NLRP9: variants seen among roughly 807,000 people sequenced by gnomAD.
NLRP9 encodes NLR family pyrin domain containing 9, also known as NACHT, LRR and PYD domains-containing protein 9.
NLRP9 carries 88 observed loss-of-function variants against 83.1 expected under a neutral mutation model. The observed-to-expected ratio is 1.06, with a 90% confidence interval of 0.89 to 1.26. NLRP9 has a LOEUF of 1.26. Among genes scored for constraint, NLRP9 ranks in the 50% most tolerant of loss-of-function variants. NLRP9 has a pLI of 0.00. For synonymous variants in NLRP9, 521 were observed against 447.6 expected, an observed-to-expected ratio of 1.16 and a Z score of -2.07; for missense variants, 1,308 against 1,179.3, an observed-to-expected ratio of 1.11 and a Z score of -1.60.
intron 2 of NLRP9, among the ~76,000 whole-genome samples, chr19:55,730,636 C>G (rs1467942046): frequency 1.3e-5 from 2 of 151,806 alleles, no homozygotes; most frequent in Non-Finnish European, 2.9e-5. Flanking sequence ...AGGCCATTAT[C>G]CTTAGCAAAC....
intron 8 of NLRP9, among the ~76,000 whole-genome samples, chr19:55,710,993 T>G (rs1260580773): frequency 7.3e-5 from 11 of 151,378 alleles, no homozygotes; most frequent in African/African-American, 2.7e-4. Context: ...GGCTGAGGCA[T>G]GAGAATTCCT....
At chr19:55,728,591 A>T (rs1988469838) in intron 3 of NLRP9, among the ~76,000 whole-genome samples, 2 of 152,134 alleles carry the variant, frequency 1.3e-5, no homozygotes, top group African/African-American at 4.8e-5. Flanking sequence ...AACAACAACA[A>T]AACAAAAACA....
At chr19:55,722,179 ATAGT>A (rs758572066) in intron 4 of NLRP9, among the ~76,000 whole-genome samples, 5 of 152,008 alleles carry the variant, frequency 3.3e-5, no homozygotes, top group African/African-American at 9.7e-5. Flanking sequence ...AAGTAAATGA[ATAGT>A]TAGTTTACCC....
In NLRP9 at chr19:55,713,312, AGATAGAGGACAGAG is replaced by A. The variant is rs368860759; in HGVS notation, c.2502-736_2502-723del. ...TAATACAGATAGACAGAAAAATGGT[AGATAGAGGACAGAG>A]GATAGGGGACAGATGAATAGTTAAT... On this transcript the variant is annotated intron_variant, in intron 6 of 8. Coordinates refer to ENST00000332836, the MANE Select transcript of NLRP9 (RefSeq NM_176820.4). Among the ~76,000 whole-genome samples, 28 of 151,908 alleles carry A rather than the reference AGATAGAGGACAGAG, an allele frequency of 1.8e-4. 1 individual carries two copies. The highest frequency in any genetic ancestry group is 5.3e-4 in the African/African-American group (22 of 41,462).
chr19:55,723,727 CAAAA>C (rs10711721), intron 4 of NLRP9, among the ~76,000 whole-genome samples: 13,677 of 79,588 alleles, frequency 0.17, 674 homozygotes, highest in African/African-American at 0.27. Flanking sequence ...GACCCTGTCT[CAAAA>C]AAAAAAAAAA....
At chr19:55,733,993 G>C (rs1371102964) in intron 1 of NLRP9, among the ~76,000 whole-genome samples, 2 of 147,894 alleles carry the variant, frequency 1.4e-5, no homozygotes, top group East Asian at 2.0e-4. Context: ...CGGGATCTCG[G>C]CTCACTGCAA....
Position 55,728,352 on chromosome 19 carries a change from G to A in NLRP9, c.1994+1479C>T, listed in dbSNP as rs866261687. Among the ~76,000 whole-genome samples, 6 of 152,156 alleles carry A rather than the reference G, an allele frequency of 3.9e-5. No homozygotes were observed. The East Asian group carries it at 5.8e-4, about 15-fold the overall frequency. ...AGCACTTTGGGAGGCCGAGGCGGGCGCATCACAAGGCCAGGAGTTTGAGAC... is the reference window on the plus strand; with the variant it reads ...AGCACTTTGGGAGGCCGAGGCGGGCACATCACAAGGCCAGGAGTTTGAGAC... On this transcript the variant is annotated intron_variant, in intron 3 of 8. Transcript: ENST00000332836.
intron 4 of NLRP9, among the ~76,000 whole-genome samples, chr19:55,718,674 T>C (rs553586886): frequency 2.4e-4 from 37 of 152,344 alleles, no homozygotes; most frequent in South Asian, 6.2e-4. Flanking sequence ...CCCAGCCACA[T>C]TCCCCTCGCC....
intron 4 of NLRP9, among the ~76,000 whole-genome samples, chr19:55,718,329 G>A (rs1988098590): frequency 6.6e-6 from 1 of 152,188 alleles, no homozygotes; most frequent in Non-Finnish European, 1.5e-5. Context: ...TCTGTGCTGA[G>A]GAGGAGGAGT....
At chr19:55,735,539 A>G (rs1313337569) in intron 1 of NLRP9, among the ~76,000 whole-genome samples, 1 of 152,148 alleles carries the variant, frequency 6.6e-6, no homozygotes, top group Non-Finnish European at 1.5e-5. Context: ...GTATTACTCT[A>G]CATTTTTCTT....
chr19:55,716,587 G>A, intron 5 of NLRP9, 141 bp downstream of exon 5: 1 of 660,384 alleles, frequency 1.5e-6, no homozygotes, highest in Non-Finnish European at 2.7e-6. Flanking sequence ...AGCAACTGAG[G>A]CGTGGGAAAG....
Position 55,717,029 on chromosome 19 carries a change from TTTTC to T in NLRP9, c.2160-135_2160-132del, listed in dbSNP as rs965895900. 7 of 600,982 alleles carry T rather than the reference TTTTC, an allele frequency of 1.2e-5. No homozygotes were observed. The African/African-American group carries it at 1.2e-4, about 11-fold the overall frequency. 37.2% of individuals were successfully genotyped at this position (600,982 alleles called of 1,614,324 possible). ...ATCCATTATCTACACTACAGACTCT[TTTTC>T]TTTTTTTTTTTTTTTTTTGAGAAGG... On this transcript the variant is annotated intron_variant, in intron 4 of 8. Coordinates refer to ENST00000332836, the MANE Select transcript of NLRP9 (RefSeq NM_176820.4).
At chr19:55,731,916 A>T in intron 2 of NLRP9, 83 bp downstream of exon 2, 1 of 846,110 alleles carries the variant, frequency 1.2e-6, no homozygotes, top group Non-Finnish European at 1.9e-6. Flanking sequence ...GCACAGTGGC[A>T]TAAGGCCCAT....
At position 55,711,787 on chromosome 19, in the gene NLRP9, A is replaced by T. The variant is rs970181276; in HGVS notation, c.2843+13T>A. 10 of 1,611,224 alleles carry T rather than the reference A, an allele frequency of 6.2e-6. No individual in the cohort carries two copies. Among genetic ancestry groups the T allele is most frequent in the Non-Finnish European group, 8.5e-6 (10 of 1,178,574 alleles). On this transcript the variant is annotated intron_variant, in intron 8 of 8. Coordinates refer to ENST00000332836, the MANE Select transcript of NLRP9 (RefSeq NM_176820.4). ...TGAAGTCACTCACCCCAAAGGAAAC[A>T]GTGTCCACTCACCCCAGCATCTGCA...
At position 55,733,312 on chromosome 19, in the gene NLRP9, G is replaced by GT; in HGVS notation, c.518dup (p.Asn173LysfsTer17). The GT allele has an allele frequency of 6.2e-7, 1 of 1,614,026 alleles. No individual in the cohort carries two copies. Among genetic ancestry groups the GT allele is most frequent in the East Asian group, 2.2e-5 (1 of 44,876 alleles). On this transcript the variant is annotated frameshift_variant, in exon 2 of 9. Coordinates refer to ENST00000332836, the MANE Select transcript of NLRP9 (RefSeq NM_176820.4). LOFTEE classifies it high-confidence loss of function. The stretch of plus-strand genomic sequence containing the variant: ...CAAATGTGAACCTGTCCTTCCATAA[G>GT]TTTCCCTCTGCCCAGTCCAACATCA...
chr19:55,734,637 A>ATAT (rs1216327930), intron 1 of NLRP9, among the ~76,000 whole-genome samples: 1 of 106,950 alleles, frequency 9.4e-6, no homozygotes, highest in African/African-American at 3.0e-5. Context: ...ATATATATAT[A>ATAT]TTTTTTTTTT....
chr19:55,734,550 TACGCAC>T (rs1988724431), intron 1 of NLRP9, among the ~76,000 whole-genome samples: 1 of 149,080 alleles, frequency 6.7e-6, no homozygotes. Context: ...TATACATATA[TACGCAC>T]ACACATATAT....
chr19:55,730,199 A>G (rs1475238176), intron 2 of NLRP9, among the ~76,000 whole-genome samples: 1 of 152,224 alleles, frequency 6.6e-6, no homozygotes, highest in Non-Finnish European at 1.5e-5. Flanking sequence ...CAAGCCTGTA[A>G]TTCCAGCACT....
intron 2 of NLRP9, among the ~76,000 whole-genome samples, chr19:55,731,422 G>T (rs1296364894): frequency 3.3e-5 from 5 of 151,906 alleles, no homozygotes; most frequent in African/African-American, 9.7e-5. Flanking sequence ...AACGGAGGGA[G>T]GGAGGGAGGA....
Sources: gnomAD v4.1 joint callset for allele counts (sites outside exome capture counted in the v4.1 genomes callset) on GRCh38, gnomAD v4.1.1 for gene constraint, MANE v1.5 for transcripts, NCBI Gene and HGNC (gene_info 2026-07-23, HGNC 2026-07-21) for gene names.